Variants in PAK5 observed in about 807,000 individuals in gnomAD.
The protein encoded by PAK5 is p21 (RAC1) activated kinase 5.
Under a neutral mutation model 65.9 loss-of-function variants are expected in PAK5, and 16 were observed. The observed-to-expected ratio is 0.24, with a 90% confidence interval of 0.16 to 0.37. The LOEUF is 0.37. Among genes scored for constraint, PAK5 ranks in the 10% least tolerant of loss-of-function variants. The pLI is 1.00. For synonymous variants in PAK5, 371 were observed against 354.9 expected, an observed-to-expected ratio of 1.05 and a Z score of -0.51; for missense variants, 785 against 903.9, an observed-to-expected ratio of 0.87 and a Z score of 1.69.
chr20:9,606,844 G>A (rs989251178), intron 3 of PAK5, among the ~76,000 whole-genome samples: 1 of 152,092 alleles, frequency 6.6e-6, no homozygotes, highest in Non-Finnish European at 1.5e-5. Flanking sequence ...TAAAAACATA[G>A]GGGTGAGAGA....
chr20:9,578,101 C>T (rs893791659), intron 4 of PAK5, among the ~76,000 whole-genome samples: 4 of 152,242 alleles, frequency 2.6e-5, no homozygotes, highest in African/African-American at 7.2e-5. Flanking sequence ...AGATAACATA[C>T]GCCCAAATAA....
intron 1 of PAK5, among the ~76,000 whole-genome samples, chr20:9,823,541 A>C (rs1316451737): frequency 6.6e-6 from 1 of 152,204 alleles, no homozygotes; most frequent in Non-Finnish European, 1.5e-5. Context: ...GCTCCCCTGC[A>C]CAATTAATCT....
chr20:9,666,310 A>T (rs146965393), intron 2 of PAK5, among the ~76,000 whole-genome samples: 3 of 151,632 alleles, frequency 2.0e-5, no homozygotes, highest in Non-Finnish European at 4.4e-5. Context: ...GAAGACACTA[A>T]TAGCAAGCTG....
chr20:9,793,312 T>A (rs1246675751), intron 1 of PAK5, among the ~76,000 whole-genome samples: 4 of 152,110 alleles, frequency 2.6e-5, no homozygotes, highest in Non-Finnish European at 5.9e-5. Context: ...ATACATGTTT[T>A]AAAAAGATAA....
At chr20:9,783,322 A>G (rs111606274) in intron 1 of PAK5, among the ~76,000 whole-genome samples, 2 of 152,282 alleles carry the variant, frequency 1.3e-5, no homozygotes, top group African/African-American at 4.8e-5. Context: ...AATGTATCCA[A>G]CTAAAGTATT....
chr20:9,641,594 C>G (rs1248793969), intron 3 of PAK5, among the ~76,000 whole-genome samples: 1 of 152,088 alleles, frequency 6.6e-6, no homozygotes, highest in South Asian at 2.1e-4. Flanking sequence ...CGCTCACATT[C>G]CTCAGCCCTT....
chr20:9,665,490 C>A (rs1405120430), intron 2 of PAK5, among the ~76,000 whole-genome samples: 1 of 151,736 alleles, frequency 6.6e-6, no homozygotes, highest in African/African-American at 2.4e-5. Flanking sequence ...GCTTTTCTTT[C>A]TTTATTTTTT....
chr20:9,598,673 C>A (rs545690125), intron 3 of PAK5, among the ~76,000 whole-genome samples: 1 of 152,236 alleles, frequency 6.6e-6, no homozygotes, highest in Admixed American at 6.5e-5. Flanking sequence ...GAGATGGTAT[C>A]TCATTGTGGT....
chr20:9,539,972 G>A (rs566618979), intron 9 of PAK5, among the ~76,000 whole-genome samples: 8 of 152,266 alleles, frequency 5.3e-5, no homozygotes, highest in South Asian at 2.1e-4. Flanking sequence ...ACAGGGAGCC[G>A]TTTTATTTTT....
At chr20:9,708,831 AAATCCAAGTTATGTTCT>A (rs1427144308) in intron 2 of PAK5, among the ~76,000 whole-genome samples, 3 of 152,160 alleles carry the variant, frequency 2.0e-5, no homozygotes, top group Non-Finnish European at 4.4e-5. Flanking sequence ...TGATTGGGAT[AAATCCAAGTTATGTTCT>A]ATGCTGTATC....
chr20:9,542,235 G>A (rs2045276396), intron 9 of PAK5, among the ~76,000 whole-genome samples: 1 of 152,128 alleles, frequency 6.6e-6, no homozygotes. Context: ...AGAAAAGCTG[G>A]GGTCATGCAC....
At chr20:9,835,336 G>T (rs1979063854) in intron 1 of PAK5, among the ~76,000 whole-genome samples, 1 of 152,206 alleles carries the variant, frequency 6.6e-6, no homozygotes, top group Non-Finnish European at 1.5e-5. Context: ...CGGTGGGGAA[G>T]AGAGATCAAG....
At chr20:9,676,020 A>G (rs1372035821) in intron 2 of PAK5, among the ~76,000 whole-genome samples, 8 of 152,232 alleles carry the variant, frequency 5.3e-5, no homozygotes, top group Admixed American at 3.9e-4. Context: ...TACAAAAGAA[A>G]GAGGTTTAAT....
chr20:9,670,125 T>A (rs2047476466), intron 2 of PAK5, among the ~76,000 whole-genome samples: 2 of 152,202 alleles, frequency 1.3e-5, no homozygotes, highest in Non-Finnish European at 2.9e-5. Flanking sequence ...GGCTGCATAG[T>A]ATTCCATGGT....
intron 1 of PAK5, among the ~76,000 whole-genome samples, chr20:9,740,289 T>A (rs534497948): frequency 1.3e-5 from 2 of 152,106 alleles, no homozygotes; most frequent in South Asian, 4.1e-4. Flanking sequence ...AGGGGCTTAT[T>A]TGGGGAGTGG....
At chr20:9,653,506 C>T (rs1016489833) in intron 2 of PAK5, among the ~76,000 whole-genome samples, 1 of 152,184 alleles carries the variant, frequency 6.6e-6, no homozygotes, top group African/African-American at 2.4e-5. Flanking sequence ...CTACATATCT[C>T]AATCCTTATA....
At chr20:9,835,845 G>C (rs1979108724) in intron 1 of PAK5, among the ~76,000 whole-genome samples, 1 of 152,162 alleles carries the variant, frequency 6.6e-6, no homozygotes, top group African/African-American at 2.4e-5. Context: ...CCATTTACCA[G>C]GTTAAGAAGG....
intron 2 of PAK5, among the ~76,000 whole-genome samples, chr20:9,706,874 A>G (rs2048015160): frequency 6.6e-6 from 1 of 152,038 alleles, no homozygotes; most frequent in African/African-American, 2.4e-5. Context: ...CTGACTGTCC[A>G]ATCAACCATA....
chr20:9,802,865 T>G (rs62192938), intron 1 of PAK5, among the ~76,000 whole-genome samples: 10,801 of 140,180 alleles, frequency 0.077, 607 homozygotes, highest in South Asian at 0.18. Flanking sequence ...AGAAACGGGG[T>G]TTAATTTTCA....
Sources: gnomAD v4.1 joint callset for allele counts (sites outside exome capture counted in the v4.1 genomes callset) on GRCh38, gnomAD v4.1.1 for gene constraint, MANE v1.5 for transcripts, NCBI Gene and HGNC (gene_info 2026-07-23, HGNC 2026-07-21) for gene names.